CDH13: variants seen among roughly 807,000 people sequenced by gnomAD.
CDH13 encodes cadherin-13.
CDH13 carries 24 observed loss-of-function variants against 63.8 expected under a neutral mutation model. That is an observed-to-expected ratio of 0.38 (90% CI 0.27 to 0.53). The LOEUF is 0.53. CDH13 is among the 20% of genes least tolerant of loss of function. The pLI, the probability that CDH13 is intolerant of heterozygous loss-of-function variation, is 0.85. For synonymous variants in CDH13, 503 were observed against 355.3 expected, an observed-to-expected ratio of 1.42 and a Z score of -4.67; for missense variants, 1,049 against 903.1, an observed-to-expected ratio of 1.16 and a Z score of -2.07.
At chr16:83,274,910 T>C (rs775319656) in intron 5 of CDH13, among the ~76,000 whole-genome samples, 5 of 152,164 alleles carry the variant, frequency 3.3e-5, no homozygotes, top group Non-Finnish European at 4.4e-5. Flanking sequence ...CTTTATTCCA[T>C]TTAGGTGTGT....
At chr16:82,991,622 G>T (rs997866469) in intron 2 of CDH13, among the ~76,000 whole-genome samples, 4 of 152,034 alleles carry the variant, frequency 2.6e-5, no homozygotes, top group African/African-American at 9.7e-5. Flanking sequence ...CATGTGGGTG[G>T]GTCAAATAAG....
chr16:83,712,483 C>G (rs400496), intron 10 of CDH13, among the ~76,000 whole-genome samples: 151,988 of 152,328 alleles, frequency 1, 75,824 homozygotes, highest in Middle Eastern at 1. Flanking sequence ...ATTGTCTTTA[C>G]AGAAGGAAAT....
At chr16:82,968,364 C>T (rs1347706796) in intron 2 of CDH13, among the ~76,000 whole-genome samples, 12 of 152,092 alleles carry the variant, frequency 7.9e-5, no homozygotes, top group Admixed American at 6.5e-4. Flanking sequence ...GGCCTCAGAC[C>T]TAGTGGTCCA....
chr16:83,633,059 T>A (rs1199012915), intron 8 of CDH13, among the ~76,000 whole-genome samples: 1 of 152,090 alleles, frequency 6.6e-6, no homozygotes, highest in Non-Finnish European at 1.5e-5. Context: ...TGACCAGAGG[T>A]CACTCTTGTT....
At chr16:83,621,908 C>T (rs1406590003) in intron 8 of CDH13, among the ~76,000 whole-genome samples, 4 of 152,174 alleles carry the variant, frequency 2.6e-5, no homozygotes, top group African/African-American at 9.7e-5. Context: ...CCCTCTGTCC[C>T]TCCGTCATTT....
chr16:83,569,862 G>A (rs1298963652), intron 7 of CDH13, among the ~76,000 whole-genome samples: 2 of 152,084 alleles, frequency 1.3e-5, no homozygotes, highest in Non-Finnish European at 2.9e-5. Context: ...TCAGCCTTCC[G>A]AGTAGCTGGG....
chr16:82,664,550 T>C (rs140591672), intron 1 of CDH13, among the ~76,000 whole-genome samples: 1 of 152,312 alleles, frequency 6.6e-6, no homozygotes, highest in East Asian at 1.9e-4. Flanking sequence ...AGCATGACTT[T>C]CTGAGGGAGA....
chr16:83,617,666 A>G (rs1909408785), intron 8 of CDH13, among the ~76,000 whole-genome samples: 1 of 151,516 alleles, frequency 6.6e-6, no homozygotes, highest in Non-Finnish European at 1.5e-5. Flanking sequence ...CCTAATTTGC[A>G]CATAATATCT....
intron 10 of CDH13, among the ~76,000 whole-genome samples, chr16:83,690,877 A>T (rs1306988392): frequency 6.6e-6 from 1 of 151,910 alleles, no homozygotes; most frequent in Non-Finnish European, 1.5e-5. Context: ...ATGCACCACC[A>T]CACCCAGCTA....
chr16:83,516,079 A>G (rs1167179510), intron 7 of CDH13, among the ~76,000 whole-genome samples: 2 of 152,226 alleles, frequency 1.3e-5, no homozygotes, highest in Non-Finnish European at 2.9e-5. Flanking sequence ...GTTTCCGTCT[A>G]AGAGCATGTG....
chr16:83,650,849 G>T (rs373612391), intron 8 of CDH13, among the ~76,000 whole-genome samples: 1 of 152,150 alleles, frequency 6.6e-6, no homozygotes, highest in Non-Finnish European at 1.5e-5. Context: ...GAGGCTGGAG[G>T]ATTGCCTAAG....
chr16:83,472,631 T>C (rs1404431213), intron 6 of CDH13, among the ~76,000 whole-genome samples: 1 of 152,160 alleles, frequency 6.6e-6, no homozygotes, highest in Non-Finnish European at 1.5e-5. Flanking sequence ...TGGTCTCTCT[T>C]CTGCCAGGTT....
chr16:82,942,999 T>A (rs935429817), intron 2 of CDH13, among the ~76,000 whole-genome samples: 1 of 152,218 alleles, frequency 6.6e-6, no homozygotes, highest in South Asian at 2.1e-4. Flanking sequence ...TATGCCTAAC[T>A]AAGAATGAGC....
chr16:83,680,686 C>A (rs1431598029), intron 10 of CDH13, among the ~76,000 whole-genome samples: 5 of 152,106 alleles, frequency 3.3e-5, no homozygotes, highest in Admixed American at 1.3e-4. Context: ...AGCTGGAACG[C>A]AGAAAGTTCT....
chr16:83,735,236 G>C (rs1166138539), intron 10 of CDH13: 1 of 152,116 alleles, frequency 6.6e-6, no homozygotes, highest in Non-Finnish European at 1.5e-5. Flanking sequence ...TTTATAAAGA[G>C]ATTGTCTTTC....
rs9888924 is a variant in CDH13 at position 83,060,566 on chromosome 16, A to G, written c.366+28348A>G. 1.0e-3 allele frequency among the ~76,000 whole-genome samples: 152 copies of G among 152,260 alleles called. 2 individuals carry two copies. Among genetic ancestry groups the G allele is most frequent in the African/African-American group, 3.4e-3 (141 of 41,550 alleles). ...AGGCCCAGAGAGGCAGTCGAGGTGT[A>G]GAAAGGTTAAGTAACATTCCCACTG... is the stretch of plus-strand genomic sequence containing the variant. On this transcript the variant is annotated intron_variant, in intron 3 of 13. Transcript: ENST00000567109.
At chr16:83,417,874 G>T (rs1056691024) in intron 6 of CDH13, among the ~76,000 whole-genome samples, 1 of 152,100 alleles carries the variant, frequency 6.6e-6, no homozygotes, top group Non-Finnish European at 1.5e-5. Context: ...CAGCAAAATG[G>T]TTCCAGTCAA....
At chr16:83,330,282 A>G (rs913790137) in intron 5 of CDH13, among the ~76,000 whole-genome samples, 1 of 152,224 alleles carries the variant, frequency 6.6e-6, no homozygotes, top group Admixed American at 6.5e-5. Context: ...ATAAATGCCA[A>G]TATCCTGCTT....
At chr16:83,309,310 T>G (rs1459763393) in intron 5 of CDH13, among the ~76,000 whole-genome samples, 1 of 152,090 alleles carries the variant, frequency 6.6e-6, no homozygotes, top group Non-Finnish European at 1.5e-5. Context: ...ATTTATATGG[T>G]GAGAGCACTG....
Sources: allele counts gnomAD v4.1 joint callset (sites outside exome capture counted in the v4.1 genomes callset), GRCh38; gene constraint gnomAD v4.1.1; transcripts MANE v1.5; gene names NCBI Gene and HGNC (gene_info 2026-07-23, HGNC 2026-07-21).